Variants in KHDRBS3 observed in about 807,000 individuals in gnomAD.
KHDRBS3 encodes KH RNA binding domain containing, signal transduction associated 3.
A neutral mutation model predicts 45.6 loss-of-function variants in KHDRBS3; 23 were observed. That is an observed-to-expected ratio of 0.50 (90% CI 0.36 to 0.72). The LOEUF (loss-of-function observed/expected upper bound fraction) is 0.72, where lower values mean the gene tolerates loss of function less well. Ranked by LOEUF, KHDRBS3 falls within the 30% of genes least tolerant of loss-of-function variation. The probability of loss-of-function intolerance (pLI) is 0.00; values close to 1 mark genes in which losing one functional copy is unlikely to be tolerated. For missense variants in KHDRBS3, 352 were observed against 424.8 expected (o/e 0.83, Z 1.51); for synonymous variants, 162 against 156.5 (o/e 1.04, Z -0.26).
intron 1 of KHDRBS3, among the ~76,000 whole-genome samples, chr8:135,483,548 TCAG>T (rs1822695097): frequency 6.6e-6 from 1 of 152,208 alleles, no homozygotes; most frequent in African/African-American, 2.4e-5. Flanking sequence ...AGCATAGACT[TCAG>T]ATTCGTACTC....
In KHDRBS3 at chr8:135,513,114, G is replaced by A. The variant is rs574048822; in HGVS notation, c.89-8123G>A. Among the ~76,000 whole-genome samples, 41 of 152,132 alleles carry A rather than the reference G, an allele frequency of 2.7e-4. No individual in the cohort carries two copies. In the South Asian group the frequency reaches 8.5e-3, roughly 32 times the overall value. ...ACTCAGGAGGCTGAGGCAGGAGAAT[G>A]GCATGAACCCGGGAGGCGGAGCTTG... On this transcript the variant is annotated intron_variant, in intron 1 of 8. Coordinates refer to ENST00000355849, the MANE Select transcript of KHDRBS3 (RefSeq NM_006558.3).
chr8:135,525,824 T>G (rs558364057), intron 2 of KHDRBS3, among the ~76,000 whole-genome samples: 28 of 152,206 alleles, frequency 1.8e-4, no homozygotes, highest in Non-Finnish European at 3.2e-4. Flanking sequence ...AAGTAGTTCA[T>G]AGTCTAGTTG....
chr8:135,495,319 T>C (rs1275385659), intron 1 of KHDRBS3, among the ~76,000 whole-genome samples: 1 of 152,208 alleles, frequency 6.6e-6, no homozygotes, highest in Non-Finnish European at 1.5e-5. Context: ...AATTATTTTG[T>C]CAATTATCCA....
At chr8:135,626,487 T>C (rs1830365890) in intron 7 of KHDRBS3, among the ~76,000 whole-genome samples, 1 of 152,158 alleles carries the variant, frequency 6.6e-6, no homozygotes, top group Admixed American at 6.5e-5. Flanking sequence ...CATGGTGGAC[T>C]TGGGTGTGTT....
Position 135,457,782 on chromosome 8 carries a change from TG to T in KHDRBS3, c.-80del, listed in dbSNP as rs1463265662. On this transcript the variant is annotated 5_prime_UTR_variant, in exon 1 of 9. Coordinates refer to ENST00000355849, the MANE Select transcript of KHDRBS3 (RefSeq NM_006558.3). The surrounding 1 kb of genome is among the most constrained non-coding windows in gnomAD (Gnocchi z 4.4). ...CGTCTGGCCCCCGGGTCCCCGCCGC[TG>T]GGGGCGCGGGCGGGGTCGGGGGTTG... The T allele has an allele frequency of 2.3e-5, 16 of 689,060 alleles. No individual in the cohort carries two copies. Among genetic ancestry groups the T allele is most frequent in the South Asian group, 4.0e-5 (1 of 25,126 alleles). The allele number at this position is 689,060 out of a possible 1,614,324, so 42.7% of individuals were successfully genotyped here. A position where few individuals can be genotyped will look rare whatever the true frequency, so the allele number is the denominator to read the frequency against.
intron 1 of KHDRBS3, among the ~76,000 whole-genome samples, chr8:135,517,804 G>T (rs1586649285): frequency 6.6e-6 from 1 of 151,948 alleles, no homozygotes; most frequent in African/African-American, 2.4e-5. Flanking sequence ...TTCTGATATG[G>T]CATCAGGCTT....
chr8:135,458,115 G>A, intron 1 of KHDRBS3, 161 bp downstream of exon 1: 2 of 1,390,082 alleles, frequency 1.4e-6, no homozygotes, highest in Non-Finnish European at 1.9e-6. Context: ...CTGGGAGGCT[G>A]TGGGACACCT....
At chr8:135,560,936 C>G (rs1251020858) in intron 5 of KHDRBS3, among the ~76,000 whole-genome samples, 1 of 152,198 alleles carries the variant, frequency 6.6e-6, no homozygotes, top group African/African-American at 2.4e-5. Context: ...GAACACACAA[C>G]CCACTTTACT....
intron 1 of KHDRBS3, among the ~76,000 whole-genome samples, chr8:135,506,977 C>T (rs976440452): frequency 6.6e-6 from 1 of 152,148 alleles, no homozygotes; most frequent in Non-Finnish European, 1.5e-5. Context: ...CAGTGCTCTT[C>T]AACTTTTTTC....
intron 6 of KHDRBS3, among the ~76,000 whole-genome samples, chr8:135,605,496 A>G (rs542146916): frequency 5.9e-5 from 9 of 151,992 alleles, no homozygotes; most frequent in African/African-American, 2.2e-4. Flanking sequence ...TATGTTTTCT[A>G]TATCTATATT....
intron 6 of KHDRBS3, among the ~76,000 whole-genome samples, chr8:135,600,134 CTTAGGAAT>C (rs1829143668): frequency 6.6e-6 from 1 of 152,188 alleles, no homozygotes; most frequent in Non-Finnish European, 1.5e-5. Context: ...CTGTGAGAGG[CTTAGGAAT>C]TTGTTCTTTA....
chr8:135,484,849 T>C (rs1822764958), intron 1 of KHDRBS3, among the ~76,000 whole-genome samples: 1 of 152,228 alleles, frequency 6.6e-6, no homozygotes, highest in South Asian at 2.1e-4. Context: ...CAAATTTATA[T>C]ATTTTAAGTT....
At chr8:135,535,303 T>TTATACCTGTTACTTGC (rs1311794279) in intron 2 of KHDRBS3, among the ~76,000 whole-genome samples, 16 of 103,378 alleles carry the variant, frequency 1.5e-4, no homozygotes, top group African/African-American at 6.1e-4. Context: ...TATATATAGT[T>TTATACCTGTTACTTGC]AAACTATATA....
chr8:135,512,010 T>C (rs1824314141), intron 1 of KHDRBS3, among the ~76,000 whole-genome samples: 1 of 152,230 alleles, frequency 6.6e-6, no homozygotes, highest in South Asian at 2.1e-4. Flanking sequence ...TGCTTTGCCA[T>C]TTGTTCATGG....
At chr8:135,540,717 G>A (rs1054379574) in intron 2 of KHDRBS3, 5 of 152,166 alleles carry the variant, frequency 3.3e-5, no homozygotes, top group Non-Finnish European at 7.3e-5. Context: ...GAAGTGCCTC[G>A]CCCAAGTGAA....
chr8:135,603,098 T>C (rs1441964610), intron 6 of KHDRBS3, among the ~76,000 whole-genome samples: 2 of 151,000 alleles, frequency 1.3e-5, no homozygotes, highest in African/African-American at 5.0e-5. Context: ...TTCTTCCACT[T>C]TTCTCTTTCC....
intron 2 of KHDRBS3, among the ~76,000 whole-genome samples, chr8:135,535,620 C>A (rs1368663852): frequency 6.6e-6 from 1 of 151,880 alleles, no homozygotes; most frequent in African/African-American, 2.4e-5. Context: ...TTGCAAAATG[C>A]TGTATAAGAA....
At chr8:135,557,400 G>A in intron 4 of KHDRBS3, 48 bp from the exon 5 acceptor site, 1 of 1,214,714 alleles carries the variant, frequency 8.2e-7, no homozygotes, top group Non-Finnish European at 1.1e-6. Flanking sequence ...AAATATTTTT[G>A]CATTTCTAAT....
intron 5 of KHDRBS3, among the ~76,000 whole-genome samples, chr8:135,562,496 A>ATAT (rs1272216117): frequency 1.3e-5 from 2 of 152,190 alleles, no homozygotes; most frequent in Non-Finnish European, 2.9e-5. Flanking sequence ...TGTTCCTTAG[A>ATAT]AGGTATCCTC....
Sources: gnomAD v4.1 joint callset for allele counts (sites outside exome capture counted in the v4.1 genomes callset) on GRCh38, gnomAD v4.1.1 for gene constraint, Gnocchi (gnomAD v3.1) non-coding constraint, MANE v1.5 for transcripts, NCBI Gene and HGNC (gene_info 2026-07-23, HGNC 2026-07-21) for gene names.